Variants in RAPGEF5 observed in about 807,000 individuals in gnomAD.
RAPGEF5 encodes Rap guanine nucleotide exchange factor 5, also known as M-Ras-regulated GEF.
A neutral mutation model predicts 125.2 loss-of-function variants in RAPGEF5; 65 were observed. The observed-to-expected ratio is 0.52, with a 90% confidence interval of 0.43 to 0.64. The LOEUF is 0.64. Among genes scored for constraint, RAPGEF5 ranks in the 30% least tolerant of loss-of-function variants. RAPGEF5 has a pLI of 0.00. For missense variants in RAPGEF5, 958 were observed against 1,048.1 expected (o/e 0.91, Z 1.19); for synonymous variants, 391 against 385.9 (o/e 1.01, Z -0.16).
intron 6 of RAPGEF5, among the ~76,000 whole-genome samples, chr7:22,287,253 T>C (rs761161420): frequency 7.0e-4 from 107 of 152,372 alleles, no homozygotes; most frequent in Non-Finnish European, 9.1e-4. Context: ...CTCATGTTTA[T>C]GTACATTTAA....
intron 6 of RAPGEF5, among the ~76,000 whole-genome samples, chr7:22,275,455 G>A (rs534545020): frequency 1.7e-4 from 26 of 152,316 alleles, no homozygotes; most frequent in Middle Eastern, 3.4e-3. Context: ...GTATTTCAAA[G>A]TCTGAGGCTG....
At chr7:22,348,752 G>T (rs1424110701) in intron 1 of RAPGEF5, among the ~76,000 whole-genome samples, 1 of 152,204 alleles carries the variant, frequency 6.6e-6, no homozygotes, top group Non-Finnish European at 1.5e-5. Flanking sequence ...GAGAGGAGGG[G>T]ATGAAGAGAG....
intron 7 of RAPGEF5, among the ~76,000 whole-genome samples, chr7:22,245,896 T>C (rs908836773): frequency 2.0e-5 from 3 of 152,130 alleles, no homozygotes; most frequent in Admixed American, 6.5e-5. Flanking sequence ...GGCTACAAAA[T>C]TGATGTACAT....
intron 6 of RAPGEF5, among the ~76,000 whole-genome samples, chr7:22,268,200 A>C (rs1480749561): frequency 1.3e-5 from 2 of 152,212 alleles, no homozygotes; most frequent in Non-Finnish European, 2.9e-5. Context: ...TCTCTCAGGA[A>C]AATTACACGG....
chr7:22,295,908 C>T (rs1225514866), intron 5 of RAPGEF5, among the ~76,000 whole-genome samples: 2 of 152,058 alleles, frequency 1.3e-5, no homozygotes, highest in African/African-American at 4.8e-5. Context: ...GCTCTCTGGC[C>T]AGAGAGTGTG....
intron 20 of RAPGEF5, 67 bp from the exon 21 acceptor site, chr7:22,140,182 TA>T: frequency 1.4e-6 from 2 of 1,445,838 alleles, no homozygotes; most frequent in South Asian, 2.5e-5. Flanking sequence ...TCACAAAAGA[TA>T]AAGCTGAAAA....
At chr7:22,138,315 G>T (rs142757841) in intron 21 of RAPGEF5, among the ~76,000 whole-genome samples, 1 of 152,134 alleles carries the variant, frequency 6.6e-6, no homozygotes, top group Non-Finnish European at 1.5e-5. Context: ...ATTCAGGCAC[G>T]TACTACAGCT....
At chr7:22,198,975 C>T (rs1193349879) in intron 9 of RAPGEF5, among the ~76,000 whole-genome samples, 1 of 152,186 alleles carries the variant, frequency 6.6e-6, no homozygotes, top group Non-Finnish European at 1.5e-5. Context: ...ATGGCCAATG[C>T]TCTATATTCT....
chr7:22,318,837 CA>C, intron 1 of RAPGEF5, among the ~76,000 whole-genome samples: 1 of 152,180 alleles, frequency 6.6e-6, no homozygotes, highest in East Asian at 1.9e-4. Flanking sequence ...TCAGGTGCAG[CA>C]CCTGGGTGCT....
At chr7:22,145,662 C>T (rs1294578721) in intron 19 of RAPGEF5, among the ~76,000 whole-genome samples, 1 of 152,124 alleles carries the variant, frequency 6.6e-6, no homozygotes, top group East Asian at 1.9e-4. Context: ...ATCAGGATCA[C>T]CTGGAGGACT....
intron 11 of RAPGEF5, among the ~76,000 whole-genome samples, chr7:22,179,913 A>G (rs1001731373): frequency 1.1e-4 from 17 of 152,340 alleles, no homozygotes; most frequent in African/African-American, 4.1e-4. Context: ...TTTATCATAT[A>G]ATCAAGAAAT....
chr7:22,342,920 C>CA (rs1274522134), intron 1 of RAPGEF5, among the ~76,000 whole-genome samples: 2 of 152,196 alleles, frequency 1.3e-5, no homozygotes, highest in Non-Finnish European at 2.9e-5. Context: ...CAAACCGTTC[C>CA]AACCTCTGCC....
chr7:22,158,440 G>A (rs954587265), intron 14 of RAPGEF5, among the ~76,000 whole-genome samples: 2 of 152,040 alleles, frequency 1.3e-5, no homozygotes, highest in African/African-American at 4.8e-5. Context: ...AGCCAGTACT[G>A]GGGCCAATTT....
chr7:22,222,773 G>A (rs1301557641), intron 8 of RAPGEF5, among the ~76,000 whole-genome samples: 1 of 152,176 alleles, frequency 6.6e-6, no homozygotes, highest in Non-Finnish European at 1.5e-5. Context: ...TCCTGGGTTG[G>A]ACTGGGGGAA....
intron 7 of RAPGEF5, among the ~76,000 whole-genome samples, chr7:22,250,666 A>G (rs776057208): frequency 1.5e-4 from 23 of 152,022 alleles, no homozygotes; most frequent in Non-Finnish European, 2.6e-4. Context: ...CCCCGGGGGG[A>G]AAAAAAGGCC....
chr7:22,326,086 C>T (rs917591755), intron 1 of RAPGEF5, among the ~76,000 whole-genome samples: 5 of 152,194 alleles, frequency 3.3e-5, no homozygotes, highest in Non-Finnish European at 5.9e-5. Flanking sequence ...ATATAAACTA[C>T]TGTCTTAAAT....
chr7:22,236,684 T>C (rs1215714787), intron 7 of RAPGEF5, among the ~76,000 whole-genome samples: 1 of 152,184 alleles, frequency 6.6e-6, no homozygotes, highest in African/African-American at 2.4e-5. Flanking sequence ...TGCTACGGCA[T>C]GGCCTCTCCC....
At chr7:22,136,463 A>G (rs1783081713) in intron 22 of RAPGEF5, among the ~76,000 whole-genome samples, 2 of 152,176 alleles carry the variant, frequency 1.3e-5, no homozygotes, top group Admixed American at 6.5e-5. Context: ...GTCTCTTGTT[A>G]GATACACCAC....
chr7:22,200,836 A>AC (rs1785260757), intron 9 of RAPGEF5, among the ~76,000 whole-genome samples: 1 of 152,200 alleles, frequency 6.6e-6, no homozygotes, highest in African/African-American at 2.4e-5. Context: ...TCAGCTAGTA[A>AC]CCTACTGCAC....
Sources: allele counts gnomAD v4.1 joint callset (sites outside exome capture counted in the v4.1 genomes callset), GRCh38; gene constraint gnomAD v4.1.1; transcripts MANE v1.5; gene names NCBI Gene and HGNC (gene_info 2026-07-23, HGNC 2026-07-21).